The following MAP4K3 variants were observed in gnomAD, a reference collection of about 807,000 sequenced individuals.
MAP4K3 encodes the protein mitogen-activated protein kinase kinase kinase kinase 3.
Under a neutral mutation model 143.5 loss-of-function variants are expected in MAP4K3, and 94 were observed. The ratio of observed to expected loss-of-function variants is 0.65; its 90% confidence interval spans 0.55 to 0.78. MAP4K3 has a LOEUF of 0.78. Ranked by LOEUF, MAP4K3 falls within the 30% of genes least tolerant of loss-of-function variation. The probability of loss-of-function intolerance (pLI) is 0.00; values close to 1 mark genes in which losing one functional copy is unlikely to be tolerated. For missense variants in MAP4K3, 1,077 were observed against 1,068.1 expected (o/e 1.01, Z -0.12); for synonymous variants, 416 against 347.2 (o/e 1.20, Z -2.20).
intron 1 of MAP4K3, among the ~76,000 whole-genome samples, chr2:39,401,857 G>GA (rs1461314511): frequency 1.3e-5 from 2 of 151,904 alleles, no homozygotes; most frequent in Non-Finnish European, 2.9e-5. Context: ...CTGCACCACA[G>GA]AAAAAAGCCC....
chr2:39,329,899 T>C (rs1683625465), intron 8 of MAP4K3, among the ~76,000 whole-genome samples: 1 of 152,082 alleles, frequency 6.6e-6, no homozygotes, highest in Non-Finnish European at 1.5e-5. Context: ...TGAACCAAAA[T>C]GTAAGGATTA....
At chr2:39,365,452 T>C (rs921472827) in intron 2 of MAP4K3, among the ~76,000 whole-genome samples, 5 of 147,042 alleles carry the variant, frequency 3.4e-5, no homozygotes, top group African/African-American at 1.3e-4. Context: ...TTTTTTTTTT[T>C]TTTGAGACGG....
chr2:39,380,314 T>C (rs1257966788), intron 1 of MAP4K3, among the ~76,000 whole-genome samples: 1 of 152,102 alleles, frequency 6.6e-6, no homozygotes, highest in African/African-American at 2.4e-5. Context: ...TAAAGGGTCT[T>C]TAAAGCTTTA....
intron 1 of MAP4K3, among the ~76,000 whole-genome samples, chr2:39,382,890 T>C (rs1391114875): frequency 1.3e-5 from 2 of 152,198 alleles, no homozygotes; most frequent in African/African-American, 4.8e-5. Context: ...ATGTTACCAT[T>C]TATGCAGAGG....
intron 12 of MAP4K3, among the ~76,000 whole-genome samples, chr2:39,324,876 G>A (rs542861480): frequency 9.2e-5 from 14 of 152,274 alleles, no homozygotes; most frequent in South Asian, 4.1e-4. Context: ...CAACTATACT[G>A]GCTCATTTTA....
chr2:39,324,669 GCCTC>G (rs982849940), intron 12 of MAP4K3, among the ~76,000 whole-genome samples: 1 of 152,020 alleles, frequency 6.6e-6, no homozygotes, highest in Non-Finnish European at 1.5e-5. Context: ...ATTTTTAAGG[GCCTC>G]CCATAAAGCC....
In MAP4K3 at chr2:39,433,497, A is replaced by G. The variant is rs140305607; in HGVS notation, c.96+3395T>C. Among the ~76,000 whole-genome samples, 161 of 152,332 alleles carry G rather than the reference A, an allele frequency of 1.1e-3. 2 individuals carry two copies. The highest frequency in any genetic ancestry group is 3.6e-3 in the African/African-American group (149 of 41,586). ...AGATGGCACAATGCATGTGAAAATC[A>G]TATTATGATCTATTATAACTACCTA... On this transcript the variant is annotated intron_variant, in intron 1 of 33. Coordinates refer to ENST00000263881, the MANE Select transcript of MAP4K3 (RefSeq NM_003618.4).
rs867454159 is a variant in MAP4K3, at chr2:39,260,843, C to T, written c.2137-66G>A. On this transcript the variant is annotated intron_variant, in intron 28 of 33. Transcript: ENST00000263881. ...AAAACCGAATAATTCTATGAGAATACTATAAAACAGCTTTCTACAATAAAG... is the reference window on the plus strand; with the variant it reads ...AAAACCGAATAATTCTATGAGAATATTATAAAACAGCTTTCTACAATAAAG... The T allele has an allele frequency of 3.6e-6, 4 of 1,098,854 alleles. No homozygotes were observed. The South Asian group carries it at 6.0e-5, about 16-fold the overall frequency. 68.1% of individuals were successfully genotyped at this position (1,098,854 alleles called of 1,614,324 possible).
In MAP4K3 at chr2:39,365,430, ATTTTTTTT is replaced by A. The variant is rs151026787; in HGVS notation, c.155-9099_155-9092del. Among the ~76,000 whole-genome samples the A allele has an allele frequency of 1.5e-4, 13 of 87,912 alleles. No homozygotes were observed. In the South Asian group the frequency reaches 3.4e-3, roughly 23 times the overall value. 57.7% of individuals were successfully genotyped at this position (87,912 alleles called of 152,430 possible). The stretch of plus-strand genomic sequence containing the variant: ...TTTATTTTTGGGTTACGCCATAGTA[ATTTTTTTT>A]TTTTTTTTTTTTTTTTTGAGACGGA... On this transcript the variant is annotated intron_variant, in intron 2 of 33. Transcript: ENST00000263881.
rs1331723697 is a variant in MAP4K3 at position 39,354,837 on chromosome 2, G to C, written c.245+1412C>G. Among the ~76,000 whole-genome samples the C allele has an allele frequency of 3.3e-5, 5 of 152,152 alleles. No homozygotes were observed. The East Asian group carries it at 9.6e-4, about 29-fold the overall frequency. ...CTAGTCTTTTCTGTTGTGCCCAAAA[G>C]AGAAGAGAAAAAGTGTTTTGTACCT... is the stretch of plus-strand genomic sequence containing the variant. On this transcript the variant is annotated intron_variant, in intron 3 of 33. Transcript: ENST00000263881.
At chr2:39,406,079 T>C (rs768073571) in intron 1 of MAP4K3, among the ~76,000 whole-genome samples, 21 of 151,742 alleles carry the variant, frequency 1.4e-4, no homozygotes, top group Non-Finnish European at 2.2e-4. Flanking sequence ...AATTCTGCAG[T>C]TGAAAAATGC....
At chr2:39,366,952 A>G (rs1665940288) in intron 2 of MAP4K3, among the ~76,000 whole-genome samples, 1 of 152,230 alleles carries the variant, frequency 6.6e-6, no homozygotes, top group South Asian at 2.1e-4. Context: ...CAGAAATACA[A>G]AGGAAGTATC....
intron 1 of MAP4K3, among the ~76,000 whole-genome samples, chr2:39,429,982 A>G (rs1304548258): frequency 2.6e-5 from 4 of 152,250 alleles, no homozygotes; most frequent in Non-Finnish European, 5.9e-5. Context: ...GTTCTAAAAG[A>G]GCTTTCATGG....
rs767939790 is a variant in MAP4K3 at position 39,288,102 on chromosome 2, T to C, written c.1474+19A>G. 1.9e-6 allele frequency: 3 copies of C among 1,613,356 alleles called. No individual in the cohort carries two copies. The highest frequency in any genetic ancestry group is 2.5e-6 in the Non-Finnish European group (3 of 1,179,632). On this transcript the variant is annotated intron_variant, in intron 20 of 33. Coordinates refer to ENST00000263881, the MANE Select transcript of MAP4K3 (RefSeq NM_003618.4). The stretch of plus-strand genomic sequence containing the variant: ...TATGAAAACCTGGTAACATATTTGC[T>C]GTCACCCTCCACCATTACCTAAGGC...
chr2:39,411,430 G>A (rs1667229920), intron 1 of MAP4K3, among the ~76,000 whole-genome samples: 2 of 152,194 alleles, frequency 1.3e-5, no homozygotes, highest in African/African-American at 4.8e-5. Flanking sequence ...AATGGTGTAT[G>A]GTTTCAGTGT....
intron 29 of MAP4K3, among the ~76,000 whole-genome samples, chr2:39,259,413 T>C (rs1276356762): frequency 6.6e-6 from 1 of 152,200 alleles, no homozygotes; most frequent in African/African-American, 2.4e-5. Flanking sequence ...ACATACTCAA[T>C]GATCACTCTT....
In MAP4K3 at chr2:39,286,934, C is replaced by T. The variant is rs1222318485; in HGVS notation, c.1505G>A (p.Gly502Asp). 6.2e-7 allele frequency: 1 copy of T among 1,608,014 alleles called. No individual in the cohort carries two copies. Among genetic ancestry groups the T allele is most frequent in the Non-Finnish European group, 8.5e-7 (1 of 1,177,470 alleles). ...TTGACATAATGAGCCATCTCGTTCA[C>T]CATTTAACTGGAAGGAGCTCATTCC... ...GNGMSSFQLNGERDGSLCQQQ... is the reference protein window; with the variant it reads ...GNGMSSFQLNDERDGSLCQQQ... Residue 502 changes from glycine (G) to aspartate (D), a missense_variant, in exon 21 of 34, where the codon GGT becomes GAT. Gly to Asp is a moderately conservative substitution (Grantham distance 94). Around this residue, in one of 2 missense-constraint regions of MAP4K3, gnomAD observed 864 missense variants for 801.2 expected, o/e 1.08. Transcript: ENST00000263881.
intron 1 of MAP4K3, among the ~76,000 whole-genome samples, chr2:39,432,812 A>G (rs1665332752): frequency 6.6e-6 from 1 of 152,184 alleles, no homozygotes; most frequent in African/African-American, 2.4e-5. Flanking sequence ...TTTCACAGAC[A>G]CTTTAAATCT....
chr2:39,342,910 A>C (rs1289838699), intron 4 of MAP4K3, among the ~76,000 whole-genome samples: 1 of 152,250 alleles, frequency 6.6e-6, no homozygotes, highest in Non-Finnish European at 1.5e-5. Flanking sequence ...TTTACTTTAC[A>C]AATCTCTTAT....
Sources: allele counts gnomAD v4.1 joint callset (sites outside exome capture counted in the v4.1 genomes callset), GRCh38; gene constraint gnomAD v4.1.1; regional missense constraint gnomAD v4.1.1; transcripts MANE v1.5; gene names NCBI Gene and HGNC (gene_info 2026-07-23, HGNC 2026-07-21).